CACNA2D3: variants seen among roughly 807,000 people sequenced by gnomAD.
CACNA2D3 encodes voltage-dependent calcium channel subunit alpha-2/delta-3.
Under a neutral mutation model 160.6 loss-of-function variants are expected in CACNA2D3, and 60 were observed. The observed-to-expected ratio is 0.37, with a 90% confidence interval of 0.30 to 0.46. The LOEUF is 0.46. Ranked by LOEUF, CACNA2D3 falls within the 20% of genes least tolerant of loss-of-function variation. The probability of loss-of-function intolerance (pLI) is 1.00; values close to 1 mark genes in which losing one functional copy is unlikely to be tolerated. For synonymous variants in CACNA2D3, 558 were observed against 492.9 expected (o/e 1.13, Z -1.75); for missense variants, 1,205 against 1,365.0 (o/e 0.88, Z 1.85).
intron 9 of CACNA2D3, among the ~76,000 whole-genome samples, chr3:54,610,408 T>G (rs1237142122): frequency 1.3e-5 from 2 of 152,106 alleles, no homozygotes; most frequent in Non-Finnish European, 2.9e-5. Context: ...CAGAGGATTT[T>G]AATTTGCAGT....
At chr3:54,947,084 A>G (rs190187639) in intron 27 of CACNA2D3, among the ~76,000 whole-genome samples, 195 of 152,316 alleles carry the variant, frequency 1.3e-3, no homozygotes, top group Admixed American at 2.2e-3. Flanking sequence ...GGAAAATACT[A>G]TAATACCAAA....
intron 11 of CACNA2D3, among the ~76,000 whole-genome samples, chr3:54,702,707 C>A (rs1237425540): frequency 6.6e-6 from 1 of 152,192 alleles, no homozygotes; most frequent in Non-Finnish European, 1.5e-5. Context: ...AACAGAACTA[C>A]TATTCAACCC....
In CACNA2D3 at chr3:54,776,942, T is replaced by G. The variant is rs138482744; in HGVS notation, c.1380+12591T>G. On this transcript the variant is annotated intron_variant, in intron 13 of 37. Transcript: ENST00000474759. ...TCTGTACTGCTTTTCCCCCACTTCA[T>G]GGCCCAGATATTTGGGTAACTTAAC... is the stretch of plus-strand genomic sequence containing the variant. Among the ~76,000 whole-genome samples, 424 of 152,330 alleles carry G rather than the reference T, an allele frequency of 2.8e-3. 2 individuals are homozygous for G. The highest frequency in any genetic ancestry group is 9.7e-3 in the African/African-American group (404 of 41,584).
intron 4 of CACNA2D3, among the ~76,000 whole-genome samples, chr3:54,462,715 T>C (rs1304554692): frequency 6.6e-6 from 1 of 152,238 alleles, no homozygotes; most frequent in Non-Finnish European, 1.5e-5. Flanking sequence ...CTGATGGGTC[T>C]TGACTCTTTA....
At chr3:54,461,934 A>G (rs974034778) in intron 4 of CACNA2D3, among the ~76,000 whole-genome samples, 2 of 152,190 alleles carry the variant, frequency 1.3e-5, no homozygotes, top group Non-Finnish European at 2.9e-5. Flanking sequence ...ATTTCCCTCT[A>G]CACACTGCTT....
chr3:54,821,697 T>TTTCTTTCTTTCTTTCTTTCTTTCTTTCC (rs753240626), intron 14 of CACNA2D3, among the ~76,000 whole-genome samples: 27 of 84,134 alleles, frequency 3.2e-4, no homozygotes, highest in Middle Eastern at 5.4e-3. Flanking sequence ...TCTTTCTTTC[T>TTTCTTTCTTTCTTTCTTTCTTTCTTTCC]TTCCTTCCTT....
intron 13 of CACNA2D3, among the ~76,000 whole-genome samples, chr3:54,765,612 A>G (rs1702209957): frequency 6.6e-6 from 1 of 152,184 alleles, no homozygotes; most frequent in Non-Finnish European, 1.5e-5. Flanking sequence ...AGTGAGGAGG[A>G]GGAGGAGTGT....
At chr3:54,725,871 C>G (rs1004899791) in intron 11 of CACNA2D3, among the ~76,000 whole-genome samples, 2 of 152,178 alleles carry the variant, frequency 1.3e-5, no homozygotes, top group Non-Finnish European at 2.9e-5. Flanking sequence ...GGTGCCTTCT[C>G]TCACCACTCC....
chr3:54,706,352 G>A lies in CACNA2D3; in HGVS notation c.1168-46247G>A, dbSNP rs181389300. On this transcript the variant is annotated intron_variant, in intron 11 of 37. Transcript: ENST00000474759. ...CAAAGTCGTGGCAGTTCTTAACAGT[G>A]TTGTTCACATAACATTAACAATGCA... Among the ~76,000 whole-genome samples, 10 of 152,294 alleles carry A rather than the reference G, an allele frequency of 6.6e-5. No homozygotes were observed. In the East Asian group the frequency reaches 1.5e-3, roughly 23 times the overall value.
intron 9 of CACNA2D3, among the ~76,000 whole-genome samples, chr3:54,594,116 C>G (rs947763636): frequency 2.0e-5 from 3 of 152,178 alleles, no homozygotes; most frequent in African/African-American, 7.2e-5. Context: ...TCATTAATCT[C>G]CACTTCATTA....
At chr3:54,822,317 C>G (rs1208016584) in intron 14 of CACNA2D3, among the ~76,000 whole-genome samples, 1 of 152,218 alleles carries the variant, frequency 6.6e-6, no homozygotes, top group Non-Finnish European at 1.5e-5. Flanking sequence ...CAAGTCTAGT[C>G]ACTTCAGCTT....
At chr3:54,890,495 CAAAA>C (rs34740812) in intron 24 of CACNA2D3, among the ~76,000 whole-genome samples, 1 of 60,860 alleles carries the variant, frequency 1.6e-5, no homozygotes, top group African/African-American at 6.3e-5. Context: ...GACTCCGTCT[CAAAA>C]AAAAAAAAAA....
At chr3:54,851,208 A>C (rs75330880) in intron 17 of CACNA2D3, among the ~76,000 whole-genome samples, 10 of 152,308 alleles carry the variant, frequency 6.6e-5, no homozygotes, top group African/African-American at 2.4e-4. Context: ...TCACTGACTA[A>C]TTGAATAGCA....
chr3:54,459,578 A>T (rs1409979074), intron 4 of CACNA2D3, among the ~76,000 whole-genome samples: 5 of 151,964 alleles, frequency 3.3e-5, no homozygotes, highest in Non-Finnish European at 7.4e-5. Context: ...TTCTTTTGAG[A>T]AGTGTCTGTT....
intron 11 of CACNA2D3, among the ~76,000 whole-genome samples, chr3:54,736,146 C>CATATATATATGTATATATATAT (rs1701526612): frequency 3.4e-5 from 4 of 118,144 alleles, no homozygotes; most frequent in Admixed American, 8.8e-5. Flanking sequence ...TATATACACA[C>CATATATATATGTATATATATAT]ACACACACAC....
At chr3:54,986,791 T>C (rs1375317945) in intron 30 of CACNA2D3, among the ~76,000 whole-genome samples, 1 of 118,568 alleles carries the variant, frequency 8.4e-6, no homozygotes, top group East Asian at 2.9e-4. Context: ...GAGATGGGGC[T>C]TCTCTTCTGG....
chr3:54,844,675 A>C (rs983473945), intron 16 of CACNA2D3, among the ~76,000 whole-genome samples: 2 of 152,158 alleles, frequency 1.3e-5, no homozygotes, highest in Non-Finnish European at 2.9e-5. Context: ...GAAATAATCA[A>C]AAGTCCTGAT....
intron 11 of CACNA2D3, among the ~76,000 whole-genome samples, chr3:54,654,022 G>A (rs927011332): frequency 1.3e-5 from 2 of 152,172 alleles, no homozygotes; most frequent in Non-Finnish European, 2.9e-5. Context: ...AGCACTTCTA[G>A]TAGCATTCTT....
chr3:54,193,121 C>T (rs1246943563), intron 2 of CACNA2D3, among the ~76,000 whole-genome samples: 1 of 152,178 alleles, frequency 6.6e-6, no homozygotes, highest in Non-Finnish European at 1.5e-5. Context: ...TGTTATCGAA[C>T]CCCTTTTACA....
Sources: allele counts gnomAD v4.1 joint callset (sites outside exome capture counted in the v4.1 genomes callset), GRCh38; gene constraint gnomAD v4.1.1; transcripts MANE v1.5; gene names NCBI Gene and HGNC (gene_info 2026-07-23, HGNC 2026-07-21).